Variants in RIOX2 observed in about 807,000 individuals in gnomAD.
RIOX2 encodes the protein 60S ribosomal protein L27a histidine hydroxylase.
Under a neutral mutation model 51.2 loss-of-function variants are expected in RIOX2, and 43 were observed. That is an observed-to-expected ratio of 0.84 (90% CI 0.66 to 1.08). The LOEUF is 1.08. Ranked by LOEUF, RIOX2 falls within the 50% of genes least tolerant of loss-of-function variation. RIOX2 has a pLI of 0.00. For synonymous variants in RIOX2, 226 were observed against 218.5 expected, an observed-to-expected ratio of 1.03 and a Z score of -0.30; for missense variants, 566 against 561.7, an observed-to-expected ratio of 1.01 and a Z score of -0.08.
At chr3:97,947,801 A>G (rs1485916618) in intron 7 of RIOX2, among the ~76,000 whole-genome samples, 4 of 152,182 alleles carry the variant, frequency 2.6e-5, no homozygotes, top group South Asian at 2.1e-4. Context: ...TGTCCTCTAC[A>G]AGCTTCTCGC....
chr3:97,960,174 A>C (rs1454251833), intron 3 of RIOX2, among the ~76,000 whole-genome samples: 1 of 152,184 alleles, frequency 6.6e-6, no homozygotes, highest in Non-Finnish European at 1.5e-5. Flanking sequence ...CTGCTACTGC[A>C]AGTACTCCCG....
intron 8 of RIOX2, among the ~76,000 whole-genome samples, chr3:97,946,586 G>GTATA (rs4061087): frequency 0.42 from 53,110 of 127,412 alleles, 11,814 homozygotes; most frequent in East Asian, 0.61. Context: ...TTTTGAGGAT[G>GTATA]TATATATATA....
At chr3:97,950,745 G>A (rs1180142571) in intron 6 of RIOX2, 41 bp downstream of exon 6, 1 of 1,519,834 alleles carries the variant, frequency 6.6e-7, no homozygotes, top group Admixed American at 1.7e-5. Context: ...GGCCTGGGCT[G>A]CAGCTACCAT....
rs542898815 is a variant in RIOX2, at chr3:97,945,431, C to G, written c.1240-89G>C. On this transcript the variant is annotated intron_variant, in intron 9 of 9. Transcript: ENST00000394198. The stretch of plus-strand genomic sequence containing the variant: ...TCCTGTAAATTTATTCTCCATACAT[C>G]ATTATTTTTGATACCCCTCATGAGT... 4.6e-5 allele frequency: 56 copies of G among 1,213,560 alleles called. No individual in the cohort carries two copies. The African/African-American group carries it at 7.4e-4, about 16-fold the overall frequency. 75.2% of individuals were successfully genotyped at this position (1,213,560 alleles called of 1,614,324 possible).
At chr3:97,960,866 G>T (rs745918937) in intron 3 of RIOX2, among the ~76,000 whole-genome samples, 12 of 152,160 alleles carry the variant, frequency 7.9e-5, no homozygotes, top group Admixed American at 5.9e-4. Flanking sequence ...AGGGCCTGGG[G>T]AGATAGGAAA....
rs1269945645 is a variant in RIOX2 at position 97,951,097 on chromosome 3, GAC to G, written c.786-211_786-210del. 31 of 494,300 alleles carry G rather than the reference GAC, an allele frequency of 6.3e-5. No individual in the cohort carries two copies. In the East Asian group the frequency reaches 1.0e-3, roughly 16 times the overall value. The allele number at this position is 494,300 out of a possible 1,614,324, so 30.6% of individuals were successfully genotyped here. On this transcript the variant is annotated intron_variant, in intron 5 of 9. Coordinates refer to ENST00000394198, the MANE Select transcript of RIOX2 (RefSeq NM_153182.4). ...CCCTGTTTCCTCCCTCCCCGTTCCA[GAC>G]ACTCACTTGCAAAGTTAAAAGTGGG...
At position 97,961,454 on chromosome 3, in the gene RIOX2, A is replaced by G. The variant is rs1350071542; in HGVS notation, c.552+135T>C. 6 of 948,004 alleles carry G rather than the reference A, an allele frequency of 6.3e-6. No individual in the cohort carries two copies. In the East Asian group the frequency reaches 1.7e-4, roughly 27 times the overall value. The allele number at this position is 948,004 out of a possible 1,614,324, so 58.7% of individuals were successfully genotyped here. ...AACATTTTGATGAAATCAATATCTC[A>G]GAAACTGCACAGAAAGAGCGAATAC... On this transcript the variant is annotated intron_variant, in intron 3 of 9. Coordinates refer to ENST00000394198, the MANE Select transcript of RIOX2 (RefSeq NM_153182.4).
intron 1 of RIOX2, among the ~76,000 whole-genome samples, chr3:97,968,167 G>A (rs892246802): frequency 5.9e-5 from 9 of 152,122 alleles, no homozygotes; most frequent in South Asian, 2.1e-4. Flanking sequence ...CCCTGGACCC[G>A]CGGTGTCTCC....
intron 4 of RIOX2, 72 bp downstream of exon 4, chr3:97,958,979 T>TGAACTTG: frequency 8.1e-6 from 12 of 1,483,102 alleles, no homozygotes; most frequent in African/African-American, 1.4e-5. Flanking sequence ...ACCTTGAGCC[T>TGAACTTG]GAACTTGTCT....
rs1016598781 is a variant in RIOX2 at position 97,943,640 on chromosome 3, C to T, written c.*1544G>A. The T allele has an allele frequency of 6.6e-5, 18 of 273,854 alleles. No homozygotes were observed. The highest frequency in any genetic ancestry group is 3.5e-4 in the African/African-American group (15 of 43,304). 17.0% of individuals were successfully genotyped at this position (273,854 alleles called of 1,614,324 possible). A position where few individuals can be genotyped will look rare whatever the true frequency, so the allele number is the denominator to read the frequency against. On this transcript the variant is annotated 3_prime_UTR_variant, in exon 10 of 10. Transcript: ENST00000394198. Reference sequence around the variant, plus strand: ...AACGTGAATCCTGTTCCTGATGGCCCGTTATTGGACACTGGTGATGCTATT... The same window carrying T: ...AACGTGAATCCTGTTCCTGATGGCCTGTTATTGGACACTGGTGATGCTATT...
rs1482037888 is a variant in RIOX2, at chr3:97,944,851, AAAG to A, written c.*330_*332del. 5.8e-6 allele frequency: 1 copy of A among 172,752 alleles called. No individual in the cohort carries two copies. Among genetic ancestry groups the A allele is most frequent in the South Asian group, 1.9e-4 (1 of 5,146 alleles). 10.7% of individuals were successfully genotyped at this position (172,752 alleles called of 1,614,324 possible). A position where few individuals can be genotyped will look rare whatever the true frequency, so the allele number is the denominator to read the frequency against. ...TTTTCTAGAGCCAAAGAAGCTCTTTAAAGAAGTTGTTTCTTCCAAAGAACAAAG... is the reference window on the plus strand; with the variant it reads ...TTTTCTAGAGCCAAAGAAGCTCTTTAAAGTTGTTTCTTCCAAAGAACAAAG... On this transcript the variant is annotated 3_prime_UTR_variant, in exon 10 of 10. Transcript: ENST00000394198.
Position 97,947,406 on chromosome 3 carries a change from A to G in RIOX2, c.1104T>C (p.Phe368=). ...PRLDSVVRLQ[F]KDHIVLTVLP... ...GTACTGTGAGGACAATGTGGTCTTT[A>G]AACTGCAGTCTCACTACACTGTCCA... Residue 368 remains phenylalanine (F), a synonymous_variant, in exon 8 of 10, where the codon TTT becomes TTC. Coordinates refer to ENST00000394198, the MANE Select transcript of RIOX2 (RefSeq NM_153182.4). 1 of 1,613,580 alleles carries G rather than the reference A, an allele frequency of 6.2e-7. No homozygotes were observed. Among genetic ancestry groups the G allele is most frequent in the East Asian group, 2.2e-5 (1 of 44,864 alleles).
In RIOX2 at chr3:97,943,292, A is replaced by C; in HGVS notation, c.*1892T>G. On this transcript the variant is annotated 3_prime_UTR_variant, in exon 10 of 10. Transcript: ENST00000394198. The stretch of plus-strand genomic sequence containing the variant: ...CCCCTGGAGGGAGAAGAAACACAGA[A>C]ATGGGACATTGAAATATTGTGAGAG... 1 of 1,581,432 alleles carries C rather than the reference A, an allele frequency of 6.3e-7. No individual in the cohort carries two copies. The highest frequency in any genetic ancestry group is 8.7e-7 in the Non-Finnish European group (1 of 1,151,840).
chr3:97,968,140 G>A (rs1277819771), intron 1 of RIOX2, among the ~76,000 whole-genome samples: 2 of 152,102 alleles, frequency 1.3e-5, no homozygotes, highest in African/African-American at 4.8e-5. Context: ...CAACTGTTGC[G>A]CAGGTCAATC....
At chr3:97,963,682 T>C (rs1314712352) in intron 2 of RIOX2, among the ~76,000 whole-genome samples, 2 of 152,202 alleles carry the variant, frequency 1.3e-5, no homozygotes, top group African/African-American at 4.8e-5. Flanking sequence ...CTTTCAGGAC[T>C]GTATAGGTGA....
chr3:97,954,623 C>T, intron 4 of RIOX2, 128 bp from the exon 5 acceptor site: 1 of 733,014 alleles, frequency 1.4e-6, no homozygotes, highest in Admixed American at 2.1e-5. Flanking sequence ...CCTCAAGGCA[C>T]AGTCTATATG....
chr3:97,942,320 G>A lies in RIOX2; in HGVS notation c.*2864C>T. On this transcript the variant is annotated 3_prime_UTR_variant, in exon 10 of 10. Transcript: ENST00000394198. ...ATGTCTTGATGTGATTGGTGGCCGG[G>A]ACACACCTGGAGCTAAAGTAGCTCT... is the stretch of plus-strand genomic sequence containing the variant. 6.2e-7 allele frequency: 1 copy of A among 1,611,346 alleles called. No homozygotes were observed. Among genetic ancestry groups the A allele is most frequent in the Non-Finnish European group, 8.5e-7 (1 of 1,178,324 alleles).
chr3:97,954,213 C>T (rs371508513), intron 5 of RIOX2, 179 bp downstream of exon 5: 5 of 570,838 alleles, frequency 8.8e-6, no homozygotes, highest in East Asian at 3.0e-5. Flanking sequence ...AGAAGCAAGT[C>T]CAGAGGGACC....
Position 97,942,424 on chromosome 3 carries a change from A to G in RIOX2, c.*2760T>C, listed in dbSNP as rs1395551127. 3 of 1,610,738 alleles carry G rather than the reference A, an allele frequency of 1.9e-6. No homozygotes were observed. The highest frequency in any genetic ancestry group is 1.3e-5 in the African/African-American group (1 of 74,750). On this transcript the variant is annotated 3_prime_UTR_variant, in exon 10 of 10. Coordinates refer to ENST00000394198, the MANE Select transcript of RIOX2 (RefSeq NM_153182.4). ...CTATCAGCTCTTATCTCAGTGATCA[A>G]CTTGTCCTTGATGTTAAAGGTGGGC... is the stretch of plus-strand genomic sequence containing the variant.
Sources: allele counts gnomAD v4.1 joint callset (sites outside exome capture counted in the v4.1 genomes callset), GRCh38; gene constraint gnomAD v4.1.1; transcripts MANE v1.5; gene names NCBI Gene and HGNC (gene_info 2026-07-23, HGNC 2026-07-21).